ADD2: variants seen among roughly 807,000 people sequenced by gnomAD.
ADD2 encodes the protein beta-adducin.
In ADD2, 23 loss-of-function variants were observed where a neutral mutation model predicts 83.0. The observed-to-expected ratio is 0.28, with a 90% confidence interval of 0.20 to 0.39. ADD2 has a LOEUF of 0.39. Among genes scored for constraint, ADD2 ranks in the 10% least tolerant of loss-of-function variants. The probability of loss-of-function intolerance (pLI) is 1.00; values close to 1 mark genes in which losing one functional copy is unlikely to be tolerated. For synonymous variants in ADD2, 375 were observed against 375.4 expected (o/e 1.00, Z 0.01); for missense variants, 758 against 944.9 (o/e 0.80, Z 2.59).
At chr2:70,671,497 G>GA (rs148656345) in intron 15 of ADD2, among the ~76,000 whole-genome samples, 3,536 of 149,360 alleles carry the variant, frequency 0.024, 104 homozygotes, top group African/African-American at 0.079. Flanking sequence ...TATTTCTTTT[G>GA]AAAAAAAAAA....
intron 1 of ADD2, chr2:70,760,815 A>G (rs1305161886): frequency 6.6e-6 from 1 of 152,210 alleles, no homozygotes; most frequent in Non-Finnish European, 1.5e-5. Flanking sequence ...GTTTTTTTAA[A>G]TAAAGTAGTC....
intron 1 of ADD2, among the ~76,000 whole-genome samples, chr2:70,728,857 A>ATT (rs1553378798): frequency 9.2e-5 from 14 of 152,194 alleles, no homozygotes; most frequent in Non-Finnish European, 1.9e-4. Flanking sequence ...CACATAGGCA[A>ATT]GTCCAGTGCA....
chr2:70,676,528 G>A lies in ADD2; in HGVS notation c.1593+268C>T. On this transcript the variant is annotated intron_variant, in intron 13 of 15. Coordinates refer to ENST00000264436, the MANE Select transcript of ADD2 (RefSeq NM_001617.4). The surrounding 1 kb of genome is among the most constrained non-coding windows in gnomAD (Gnocchi z 4.8). ...ACAGAGTGGAGTTCCATGGCAGGAG[G>A]TACGGAAGCCGGCCGCATCACTCCT... 1 of 1,388,478 alleles carries A rather than the reference G, an allele frequency of 7.2e-7. No homozygotes were observed. Among genetic ancestry groups the A allele is most frequent in the South Asian group, 1.9e-5 (1 of 53,562 alleles). The allele number at this position is 1,388,478 out of a possible 1,614,324, so 86.0% of individuals were successfully genotyped here. A position where few individuals can be genotyped will look rare whatever the true frequency, so the allele number is the denominator to read the frequency against.
intron 1 of ADD2, among the ~76,000 whole-genome samples, chr2:70,761,153 C>G (rs1276988644): frequency 6.6e-6 from 1 of 150,668 alleles, no homozygotes; most frequent in East Asian, 1.9e-4. Context: ...AACTCTCAGT[C>G]TAGATAGCAG....
intron 8 of ADD2, among the ~76,000 whole-genome samples, chr2:70,689,525 T>A (rs1670921201): frequency 6.6e-6 from 1 of 152,240 alleles, no homozygotes; most frequent in Non-Finnish European, 1.5e-5. Flanking sequence ...AAACAATGAA[T>A]ACCCCATCTC....
intron 15 of ADD2, among the ~76,000 whole-genome samples, chr2:70,664,215 A>T (rs564295308): frequency 6.6e-6 from 1 of 152,254 alleles, no homozygotes; most frequent in Non-Finnish European, 1.5e-5. Flanking sequence ...ACTCCAAGAA[A>T]TATGGAGAAT....
chr2:70,666,443 G>C (rs1315497892), intron 15 of ADD2, among the ~76,000 whole-genome samples: 6 of 152,094 alleles, frequency 3.9e-5, no homozygotes, highest in African/African-American at 1.2e-4. Context: ...ATCTTCCTGG[G>C]CTCTCCAGGG....
chr2:70,745,651 G>C (rs1674154104), intron 1 of ADD2, among the ~76,000 whole-genome samples: 1 of 152,224 alleles, frequency 6.6e-6, no homozygotes, highest in Non-Finnish European at 1.5e-5. Context: ...CCTCCCAGGA[G>C]AGCAGCTAGG....
At chr2:70,761,230 T>TTC (rs1282413450) in intron 1 of ADD2, among the ~76,000 whole-genome samples, 6 of 151,462 alleles carry the variant, frequency 4.0e-5, no homozygotes, top group Non-Finnish European at 8.8e-5. Flanking sequence ...TGCATTACTT[T>TTC]TTTTTTTTTT....
chr2:70,735,391 C>T (rs555055733), intron 1 of ADD2, among the ~76,000 whole-genome samples: 15 of 152,264 alleles, frequency 9.9e-5, no homozygotes, highest in Non-Finnish European at 1.3e-4. Flanking sequence ...GGGCACAGTT[C>T]GCACAACCCA....
In ADD2 at chr2:70,722,359, G is replaced by A. The variant is rs149770635; in HGVS notation, c.-153-9175C>T. ...TCATTATAAGTCATCATTGATTGGC[G>A]GACACATCCCAACTTCAAAGATGTT... On this transcript the variant is annotated intron_variant, in intron 1 of 15. Transcript: ENST00000264436. 3.0e-4 allele frequency among the ~76,000 whole-genome samples: 45 copies of A among 152,244 alleles called. 2 individuals carry two copies. The East Asian group carries it at 8.3e-3, about 28-fold the overall frequency.
intron 8 of ADD2, among the ~76,000 whole-genome samples, chr2:70,689,430 C>G (rs1450029552): frequency 6.6e-6 from 1 of 152,254 alleles, no homozygotes; most frequent in Non-Finnish European, 1.5e-5. Context: ...CACATCCTCT[C>G]CTGTTGAAAA....
intron 8 of ADD2, 148 bp from the exon 9 acceptor site, chr2:70,688,270 C>A (rs1282219726): frequency 5.2e-6 from 3 of 574,154 alleles, no homozygotes; most frequent in Non-Finnish European, 6.1e-6. Context: ...TCAAATACCC[C>A]AAAGCTACCC....
rs782478536 is a variant in ADD2, at chr2:70,695,764, C to T, written c.512G>A (p.Ser171Asn). Residue 171 changes from serine (S) to asparagine (N), a missense_variant, in exon 6 of 16, where the codon AGC (serine) becomes AAC (asparagine). By Grantham distance (46) the Ser-to-Asn change is conservative. Transcript: ENST00000264436. ...TTCACTGCAAGAAACTCCCTTAGGG[C>T]TGATCAGGAAGTGGTCCTGCTCCTT... Reference protein sequence around the residue: ...VSKEQDHFLISPKGVSCSEVT... With the variant: ...VSKEQDHFLINPKGVSCSEVT... 3.7e-6 allele frequency: 6 copies of T among 1,614,060 alleles called. No homozygotes were observed. In the South Asian group the frequency reaches 6.6e-5, roughly 18 times the overall value.
intron 15 of ADD2, among the ~76,000 whole-genome samples, chr2:70,665,592 C>G (rs1361357354): frequency 3.3e-5 from 5 of 152,146 alleles, no homozygotes; most frequent in Admixed American, 3.3e-4. Context: ...TGGTCCTGGA[C>G]CTCTCACTGT....
chr2:70,767,125 GGT>G (rs1319954738), intron 1 of ADD2, among the ~76,000 whole-genome samples: 2 of 152,096 alleles, frequency 1.3e-5, no homozygotes, highest in Admixed American at 6.5e-5. Context: ...GGTAGGCTGT[GGT>G]GTGATTTAAA....
intron 9 of ADD2, chr2:70,687,395 A>AG (rs1670791945): frequency 6.5e-6 from 1 of 153,200 alleles, no homozygotes; most frequent in Non-Finnish European, 1.5e-5. Context: ...CAACTCCTCT[A>AG]GGGGGTTCCC....
chr2:70,740,460 T>G (rs1356742592), intron 1 of ADD2, among the ~76,000 whole-genome samples: 1 of 152,172 alleles, frequency 6.6e-6, no homozygotes, highest in Non-Finnish European at 1.5e-5. Flanking sequence ...CTAATAGATT[T>G]GGGTGGCAAA....
intron 1 of ADD2, among the ~76,000 whole-genome samples, chr2:70,735,804 C>A (rs1268219597): frequency 6.6e-6 from 1 of 151,014 alleles, no homozygotes; most frequent in East Asian, 1.9e-4. Flanking sequence ...TCACTGCAAC[C>A]TCCGCCTCCT....
Sources: allele counts gnomAD v4.1 joint callset (sites outside exome capture counted in the v4.1 genomes callset), GRCh38; gene constraint gnomAD v4.1.1; non-coding constraint Gnocchi (gnomAD v3.1); transcripts MANE v1.5; gene names NCBI Gene and HGNC (gene_info 2026-07-23, HGNC 2026-07-21).